FSCN2: variants seen among roughly 807,000 people sequenced by gnomAD.
The protein encoded by FSCN2 is fascin-2.
FSCN2 carries 46 observed loss-of-function variants against 37.8 expected under a neutral mutation model. That is an observed-to-expected ratio of 1.22 (90% CI 0.96 to 1.56). FSCN2 has a LOEUF of 1.56. Among genes scored for constraint, FSCN2 ranks in the 40% most tolerant of loss-of-function variants. The probability of loss-of-function intolerance (pLI) is 0.00; values close to 1 mark genes in which losing one functional copy is unlikely to be tolerated. For synonymous variants in FSCN2, 351 were observed against 309.4 expected (o/e 1.13, Z -1.41); for missense variants, 844 against 730.4 (o/e 1.16, Z -1.79).
In FSCN2 at chr17:81,536,975, C is replaced by T; in HGVS notation, c.1374C>T (p.Arg458=). The change falls in exon 5 of 5, where the codon CGC becomes CGT. Residue 458 remains arginine (R), a synonymous_variant. Transcript: ENST00000417245. ...DFVFEFRERG[R]LAIRARSGKY... ...TCTTCGAGTTCCGTGAGCGCGGCCGCCTGGCCATCCGCGCCCGGAGCGGCA... is the reference window on the plus strand; with the variant it reads ...TCTTCGAGTTCCGTGAGCGCGGCCGTCTGGCCATCCGCGCCCGGAGCGGCA... 1 of 1,541,030 alleles carries T rather than the reference C, an allele frequency of 6.5e-7. No homozygotes were observed.
In FSCN2 at chr17:81,537,022, CG is replaced by C. The variant is rs1334774164; in HGVS notation, c.1424del (p.Gly475AlafsTer?). 2.7e-6 allele frequency: 4 copies of C among 1,501,106 alleles called. No individual in the cohort carries two copies. Among genetic ancestry groups the C allele is most frequent in the African/African-American group, 1.5e-5 (1 of 68,836 alleles). The allele number at this position is 1,501,106 out of a possible 1,614,324, so 93.0% of individuals were successfully genotyped here. ...RSGKYLRGGA[S>X]GLLRADADAP... ...GGCAAGTACCTGCGCGGCGGCGCCTCGGGCCTGCTGCGGGCCGATGCCGACG... is the reference window on the plus strand; with the variant it reads ...GGCAAGTACCTGCGCGGCGGCGCCTCGGCCTGCTGCGGGCCGATGCCGACG... On this transcript the variant is annotated frameshift_variant, in exon 5 of 5. Transcript: ENST00000417245. LOFTEE classifies it low-confidence loss of function (END_TRUNC).
At chr17:81,536,836 G>A (rs2032898344) in intron 4 of FSCN2, 39 bp from the exon 5 acceptor site, 1 of 1,552,578 alleles carries the variant, frequency 6.4e-7, no homozygotes, top group African/African-American at 1.4e-5. Flanking sequence ...GTGGCAGCGG[G>A]CAGGTGGGCA....
chr17:81,527,957 A>T (rs1555670355), upstream of FSCN2, among the ~76,000 whole-genome samples: 1 of 152,102 alleles, frequency 6.6e-6, no homozygotes, highest in African/African-American at 2.4e-5. Context: ...AGAAGCAGTA[A>T]CTGGATCCAG....
At chr17:81,531,788 GGTGATGATGATA>G (rs2032634335) in intron 1 of FSCN2, among the ~76,000 whole-genome samples, 1 of 99,202 alleles carries the variant, frequency 1.0e-5, no homozygotes, top group African/African-American at 3.2e-5. Flanking sequence ...TGGTGATGAT[GGTGATGATGATA>G]ATGGTGATGA....
chr17:81,518,497 C>T, the FSCN2 span, among the ~76,000 whole-genome samples: 1 of 152,216 alleles, frequency 6.6e-6, no homozygotes, highest in East Asian at 1.9e-4. Context: ...CAGAGGAAGG[C>T]TAGGCCGATT....
At chr17:81,525,816 T>C (rs560097376), upstream of FSCN2, among the ~76,000 whole-genome samples, 1 of 152,356 alleles carries the variant, frequency 6.6e-6, no homozygotes, top group Admixed American at 6.5e-5. Context: ...GAAATTTTGC[T>C]GAGAATCCAG....
At chr17:81,531,735 ATGATGGTGATGATAG>A (rs2032626952) in intron 1 of FSCN2, among the ~76,000 whole-genome samples, 2 of 100,484 alleles carry the variant, frequency 2.0e-5, no homozygotes, top group Non-Finnish European at 3.7e-5. Flanking sequence ...GGTGATGGTG[ATGATGGTGATGATAG>A]TGATGGCGAT....
rs1568076916 is a variant in FSCN2 at position 81,531,249 on chromosome 17, GTGATGGTGA to G, written c.826+1901_826+1909del. ...GATAATGGTGATGGTGGTGATGATG[GTGATGGTGA>G]TGATGGTGGTGATGGCGGTGGTGAT... is the stretch of plus-strand genomic sequence containing the variant. On this transcript the variant is annotated intron_variant, in intron 1 of 4. Transcript: ENST00000417245. Among the ~76,000 whole-genome samples the G allele has an allele frequency of 5.2e-3, 492 of 93,804 alleles. 2 individuals carry two copies. Among genetic ancestry groups the G allele is most frequent in the African/African-American group, 0.02 (411 of 20,760 alleles). The allele number at this position is 93,804 out of a possible 152,430, so 61.5% of individuals were successfully genotyped here.
chr17:81,520,371 G>A, the FSCN2 span, among the ~76,000 whole-genome samples: 1 of 152,314 alleles, frequency 6.6e-6, no homozygotes, highest in Admixed American at 6.5e-5. Context: ...CTTGGTCTGT[G>A]GGAGGGAATC....
intron 1 of FSCN2, among the ~76,000 whole-genome samples, chr17:81,531,746 GA>G (rs2032628259): frequency 9.9e-6 from 1 of 101,258 alleles, no homozygotes; most frequent in Non-Finnish European, 2.0e-5. Context: ...TGATGGTGAT[GA>G]TAGTGATGGC....
intron 1 of FSCN2, among the ~76,000 whole-genome samples, chr17:81,531,225 ATAATGGTGATGG>A (rs2032546592): frequency 8.8e-5 from 5 of 56,900 alleles, no homozygotes; most frequent in African/African-American, 7.4e-5. Context: ...GGTGATGGTG[ATAATGGTGATGG>A]TGGTGATGAT....
the FSCN2 span, among the ~76,000 whole-genome samples, chr17:81,522,658 T>TG: frequency 6.6e-6 from 1 of 151,832 alleles, no homozygotes; most frequent in African/African-American, 2.4e-5. Flanking sequence ...TATGTACACC[T>TG]GTGTGTGTGT....
upstream of FSCN2, among the ~76,000 whole-genome samples, chr17:81,525,212 G>A (rs1555669947): frequency 6.7e-6 from 1 of 149,498 alleles, no homozygotes. Flanking sequence ...GATCACCTGA[G>A]GTCAGGTGTT....
intron 1 of FSCN2, among the ~76,000 whole-genome samples, chr17:81,532,489 TG>T (rs2032718355): frequency 2.0e-4 from 1 of 5,060 alleles, no homozygotes; most frequent in Non-Finnish European, 1.9e-3. Flanking sequence ...ATGATAGTGA[TG>T]GTGATGATGG....
chr17:81,531,514 T>G (rs1176721516), intron 1 of FSCN2, among the ~76,000 whole-genome samples: 1 of 146,356 alleles, frequency 6.8e-6, no homozygotes, highest in African/African-American at 2.5e-5. Flanking sequence ...GTGGTGATGG[T>G]GATGGTGGTG....
chr17:81,536,678 G>C lies in FSCN2; in HGVS notation c.1162G>C (p.Gly388Arg). Residue 388 changes from glycine (G) to arginine (R), a missense_variant, in exon 4 of 5, where the codon GGC becomes CGC. By Grantham distance (125) the Gly-to-Arg change is moderately radical (BLOSUM62 -2). Coordinates refer to ENST00000417245, the MANE Select transcript of FSCN2 (RefSeq NM_012418.4). The part of the protein sequence containing the change: ...LINRPILVLR[G>R]LDGFVCHHRG... ...CAACCGGCCCATCCTGGTGCTGCGC[G>C]GCCTGGACGGCTTCGTCTGCCACCA... 3 of 1,611,162 alleles carry C rather than the reference G, an allele frequency of 1.9e-6. No individual in the cohort carries two copies. The highest frequency in any genetic ancestry group is 2.5e-6 in the Non-Finnish European group (3 of 1,179,540).
the FSCN2 span, among the ~76,000 whole-genome samples, chr17:81,518,346 T>TGCCCCTGTACCGGGCATA: frequency 6.4e-4 from 94 of 146,336 alleles, no homozygotes; most frequent in Admixed American, 1.2e-3. Flanking sequence ...GTGAAGCTGG[T>TGCCCCTGTACCGGGCATA]GCCCCTGTAC....
intron 1 of FSCN2, chr17:81,529,650 G>A (rs552634379): frequency 5.7e-5 from 37 of 650,444 alleles, no homozygotes; most frequent in African/African-American, 1.2e-4. Context: ...GGGCAGCTGC[G>A]GAGTCTGAGA....
At chr17:81,525,365 G>A (rs551896862), upstream of FSCN2, among the ~76,000 whole-genome samples, 18 of 144,468 alleles carry the variant, frequency 1.2e-4, no homozygotes, top group African/African-American at 4.7e-4. Context: ...GGTGGAGGTT[G>A]CAGTGAGCTG....
Sources: gnomAD v4.1 joint callset for allele counts (sites outside exome capture counted in the v4.1 genomes callset) on GRCh38, gnomAD v4.1.1 for gene constraint, MANE v1.5 for transcripts, NCBI Gene and HGNC (gene_info 2026-07-23, HGNC 2026-07-21) for gene names.